The following SERGEF variants were observed in gnomAD, a reference collection of about 807,000 sequenced individuals.
The protein encoded by SERGEF is secretion regulating guanine nucleotide exchange factor.
A neutral mutation model predicts 50.0 loss-of-function variants in SERGEF; 51 were observed. The ratio of observed to expected loss-of-function variants is 1.02; its 90% CI spans 0.81 to 1.29. SERGEF has a LOEUF of 1.29. Ranked by LOEUF, SERGEF falls within the 50% of genes most tolerant of loss-of-function variation. The probability of loss-of-function intolerance (pLI) is 0.00; values close to 1 mark genes in which losing one functional copy is unlikely to be tolerated. For missense variants in SERGEF, 521 were observed against 557.0 expected (o/e 0.94, Z 0.65); for synonymous variants, 205 against 212.4 (o/e 0.97, Z 0.30).
intron 10 of SERGEF, among the ~76,000 whole-genome samples, chr11:17,802,275 C>G (rs1358418217): frequency 6.6e-6 from 1 of 152,172 alleles, no homozygotes; most frequent in African/African-American, 2.4e-5. Flanking sequence ...CTGAAAGACC[C>G]TTAAACATTG....
rs146838354 is a variant in SERGEF at position 17,858,415 on chromosome 11, C to T, written c.1048+19793G>A. Among the ~76,000 whole-genome samples the T allele has an allele frequency of 6.6e-4, 100 of 152,296 alleles. 2 individuals are homozygous for T. Among genetic ancestry groups the T allele is most frequent in the African/African-American group, 2.2e-3 (92 of 41,572 alleles). ...CTCCCCCCAGCCCCCTTCCGGCATC[C>T]TGCTCCAGAAAGTCAACAACTAAGC... On this transcript the variant is annotated intron_variant, in intron 10 of 10. Transcript: ENST00000265965.
At chr11:17,992,012 C>T (rs534644860) in intron 7 of SERGEF, among the ~76,000 whole-genome samples, 1 of 152,070 alleles carries the variant, frequency 6.6e-6, no homozygotes, top group East Asian at 1.9e-4. Context: ...GCAATGTGGG[C>T]CAAAGAGAAG....
At chr11:17,840,331 A>G (rs1850477557) in intron 10 of SERGEF, among the ~76,000 whole-genome samples, 2 of 152,166 alleles carry the variant, frequency 1.3e-5, no homozygotes, top group South Asian at 4.2e-4. Context: ...TCACAAGGCA[A>G]ATGTTCTTAA....
chr11:18,004,347 G>T, intron 4 of SERGEF, 94 bp downstream of exon 4: 2 of 873,338 alleles, frequency 2.3e-6, no homozygotes, highest in African/African-American at 1.7e-5. Flanking sequence ...GGTTCTCAGG[G>T]ATCCTGACAG....
At position 17,990,728 on chromosome 11, in the gene SERGEF, T is replaced by C. The variant is rs1853696225; in HGVS notation, c.686-1973A>G. Among the ~76,000 whole-genome samples the C allele has an allele frequency of 2.0e-5, 3 of 152,044 alleles. No homozygotes were observed. In the South Asian group the frequency reaches 6.2e-4, roughly 32 times the overall value. On this transcript the variant is annotated intron_variant, in intron 7 of 10. Coordinates refer to ENST00000265965, the MANE Select transcript of SERGEF (RefSeq NM_012139.4). Reference sequence around the variant, plus strand: ...CTAAAGAGCATTGAACAAAATCCAATGTGTAACAGCTTGAACTAGATGAAG... The same window carrying C: ...CTAAAGAGCATTGAACAAAATCCAACGTGTAACAGCTTGAACTAGATGAAG...
chr11:17,818,276 T>G (rs925370282), intron 10 of SERGEF, among the ~76,000 whole-genome samples: 1 of 152,204 alleles, frequency 6.6e-6, no homozygotes, highest in Non-Finnish European at 1.5e-5. Flanking sequence ...TTAGGCAAGT[T>G]TCTTAATCTC....
intron 4 of SERGEF, among the ~76,000 whole-genome samples, chr11:18,002,635 G>A (rs986474606): frequency 1.3e-5 from 2 of 152,126 alleles, no homozygotes; most frequent in African/African-American, 4.8e-5. Flanking sequence ...TCCCCCAGAT[G>A]CTCAAAACTC....
chr11:17,790,513 A>G (rs892537279), intron 10 of SERGEF, among the ~76,000 whole-genome samples: 2 of 152,184 alleles, frequency 1.3e-5, no homozygotes, highest in Admixed American at 1.3e-4. Flanking sequence ...TTATTTAATA[A>G]TATCATTGTT....
intron 10 of SERGEF, among the ~76,000 whole-genome samples, chr11:17,832,480 G>A (rs1201129186): frequency 1.3e-5 from 2 of 152,158 alleles, no homozygotes; most frequent in Non-Finnish European, 2.9e-5. Flanking sequence ...GTGTGAAAAT[G>A]GACTAATACA....
chr11:17,952,890 T>C (rs1852796958), intron 9 of SERGEF, among the ~76,000 whole-genome samples: 1 of 152,166 alleles, frequency 6.6e-6, no homozygotes, highest in Non-Finnish European at 1.5e-5. Context: ...CAGCAGTACC[T>C]GGCTTCCCTT....
chr11:17,800,924 G>A (rs1388465969), intron 10 of SERGEF, among the ~76,000 whole-genome samples: 1 of 152,128 alleles, frequency 6.6e-6, no homozygotes, highest in African/African-American at 2.4e-5. Flanking sequence ...GGCCGGGCAC[G>A]GTGGCTCACA....
intron 9 of SERGEF, 150 bp downstream of exon 9, chr11:17,959,320 T>A (rs762707780): frequency 1.5e-6 from 1 of 664,858 alleles, no homozygotes; most frequent in Admixed American, 3.1e-5. Context: ...TTTGACCACA[T>A]TAAAGCATGA....
At chr11:17,931,859 G>GCAATC (rs1391567818) in intron 9 of SERGEF, among the ~76,000 whole-genome samples, 1 of 152,144 alleles carries the variant, frequency 6.6e-6, no homozygotes, top group Admixed American at 6.6e-5. Context: ...GTGACGCCCA[G>GCAATC]CAATCTGTGT....
intron 10 of SERGEF, among the ~76,000 whole-genome samples, chr11:17,834,582 T>C (rs1850369612): frequency 1.3e-5 from 2 of 152,190 alleles, no homozygotes; most frequent in African/African-American, 4.8e-5. Context: ...CTGGAACATC[T>C]GAGGAGGAGG....
rs1176755400 is a variant in SERGEF at position 18,003,907 on chromosome 11, C to T, written c.447+534G>A. On this transcript the variant is annotated intron_variant, in intron 4 of 10. Transcript: ENST00000265965. The stretch of plus-strand genomic sequence containing the variant: ...AGATAATGATATTGGTTGCTCATCT[C>T]TGTGGATATACATTTTAAAGGGGTT... Among the ~76,000 whole-genome samples, 4 of 152,198 alleles carry T rather than the reference C, an allele frequency of 2.6e-5. No homozygotes were observed. The East Asian group carries it at 7.7e-4, about 29-fold the overall frequency.
chr11:18,004,152 C>T (rs538020407), intron 4 of SERGEF, among the ~76,000 whole-genome samples: 189 of 152,302 alleles, frequency 1.2e-3, no homozygotes, highest in African/African-American at 4.4e-3. Context: ...TCCATTATTA[C>T]TAATTTTAGA....
chr11:17,908,385 C>T (rs987484119), intron 9 of SERGEF, among the ~76,000 whole-genome samples: 11 of 152,148 alleles, frequency 7.2e-5, no homozygotes, highest in Non-Finnish European at 1.6e-4. Context: ...CTCCCCCAAC[C>T]ACCACCATCA....
intron 10 of SERGEF, among the ~76,000 whole-genome samples, chr11:17,788,899 A>C (rs529983781): frequency 6.6e-6 from 1 of 152,302 alleles, no homozygotes; most frequent in South Asian, 2.1e-4. Flanking sequence ...ATCTTCGACA[A>C]CTGCAAATCT....
At chr11:17,926,498 C>A (rs553285504) in intron 9 of SERGEF, among the ~76,000 whole-genome samples, 3 of 152,248 alleles carry the variant, frequency 2.0e-5, no homozygotes, top group Admixed American at 2.0e-4. Flanking sequence ...TCCAGCGTAC[C>A]CCTGTCTTCT....
Sources: allele counts gnomAD v4.1 joint callset (sites outside exome capture counted in the v4.1 genomes callset), GRCh38; gene constraint gnomAD v4.1.1; transcripts MANE v1.5; gene names NCBI Gene and HGNC (gene_info 2026-07-23, HGNC 2026-07-21).